Variants in HFM1 observed in about 807,000 individuals in gnomAD.
HFM1 encodes probable ATP-dependent DNA helicase HFM1.
Under a neutral mutation model 192.1 loss-of-function variants are expected in HFM1, and 169 were observed. The ratio of observed to expected loss-of-function variants is 0.88; its 90% CI spans 0.78 to 1.00. HFM1 has a LOEUF of 1.00. Ranked by LOEUF, HFM1 falls within the 50% of genes least tolerant of loss-of-function variation. The pLI is 0.00. For synonymous variants in HFM1, 525 were observed against 537.8 expected (o/e 0.98, Z 0.33); for missense variants, 1,661 against 1,668.0 (o/e 1.00, Z 0.07).
chr1:91,320,027 G>A (rs1399317119), intron 23 of HFM1, among the ~76,000 whole-genome samples: 1 of 152,024 alleles, frequency 6.6e-6, no homozygotes, highest in Non-Finnish European at 1.5e-5. Context: ...AGTATATCCC[G>A]GGTTCTTTGC....
At chr1:91,294,610 G>T (rs764712752) in intron 30 of HFM1, among the ~76,000 whole-genome samples, 19 of 152,170 alleles carry the variant, frequency 1.2e-4, no homozygotes, top group Non-Finnish European at 2.4e-4. Context: ...CACCTACAAA[G>T]ACAGAGTTGC....
Position 91,380,223 on chromosome 1 carries a change from T to A in HFM1, c.887A>T (p.Asp296Val), listed in dbSNP as rs771048982. ...SKAFDDLLYT[D>V]RNFVICAPTG... ...TGGAGCACAAATCACAAAATTCCTA[T>A]CTGTGTAAAGAAGCTAAAAAATAAA... is the stretch of plus-strand genomic sequence containing the variant. The change falls in exon 8 of 39, where the codon GAT becomes GTT. Residue 296 changes from aspartate to valine, a missense_variant. Physicochemically the swap from Asp to Val is radical, Grantham distance 152 (BLOSUM62 -3). Coordinates refer to ENST00000370425, the MANE Select transcript of HFM1 (RefSeq NM_001017975.6). 6.4e-7 allele frequency: 1 copy of A among 1,574,518 alleles called. No homozygotes were observed.
chr1:91,367,495 G>A (rs1004199464), intron 13 of HFM1, among the ~76,000 whole-genome samples: 2 of 152,184 alleles, frequency 1.3e-5, no homozygotes, highest in Non-Finnish European at 1.5e-5. Context: ...GGCAAACAGG[G>A]TCTGGAGTGG....
Position 91,315,898 on chromosome 1 carries a change from A to G in HFM1, c.3057T>C (p.Thr1019=), listed in dbSNP as rs555924821. 7 of 1,607,828 alleles carry G rather than the reference A, an allele frequency of 4.4e-6. No individual in the cohort carries two copies. The highest frequency in any genetic ancestry group is 1.7e-4 in the Middle Eastern group (1 of 6,028). ...VILRNFEQLQ[T]KRTASDSHYV... ...AGTGAGAATCCGATGCTGTTCTTTT[A>G]GTTTGTAGCTGTTCAAAATTTCTTA... Residue 1019 remains threonine (T), a synonymous_variant, in exon 28 of 39, where the codon ACT becomes ACC. Coordinates refer to ENST00000370425, the MANE Select transcript of HFM1 (RefSeq NM_001017975.6).
At position 91,385,854 on chromosome 1, in the gene HFM1, C is replaced by G; in HGVS notation, c.495-20G>C. ...AATAATCTGCAAACAAAAAAAAGACCCACATATTTTCTCACGTGTAACACT... is the reference window on the plus strand; with the variant it reads ...AATAATCTGCAAACAAAAAAAAGACGCACATATTTTCTCACGTGTAACACT... On this transcript the variant is annotated intron_variant, in intron 4 of 38. Transcript: ENST00000370425. 6.3e-7 allele frequency: 1 copy of G among 1,576,562 alleles called. No homozygotes were observed. Among genetic ancestry groups the G allele is most frequent in the Non-Finnish European group, 8.6e-7 (1 of 1,161,290 alleles).
upstream of HFM1, among the ~76,000 whole-genome samples, chr1:91,407,679 T>G (rs1298757116): frequency 1.3e-5 from 2 of 152,224 alleles, no homozygotes; most frequent in Admixed American, 1.3e-4. Flanking sequence ...GTTTCCACAT[T>G]TCCACCTTTT....
intron 30 of HFM1, among the ~76,000 whole-genome samples, chr1:91,288,261 G>C (rs963353309): frequency 9.9e-5 from 15 of 151,836 alleles, no homozygotes; most frequent in African/African-American, 3.4e-4. Flanking sequence ...GGCAGCCAGA[G>C]AGAAAGGTCG....
chr1:91,294,361 T>C (rs567718213), intron 30 of HFM1, among the ~76,000 whole-genome samples: 108 of 152,328 alleles, frequency 7.1e-4, no homozygotes, highest in Non-Finnish European at 8.1e-4. Context: ...GCAATTTATA[T>C]ACATGGACTC....
chr1:91,328,899 A>G, intron 20 of HFM1: 2 of 1,611,012 alleles, frequency 1.2e-6, no homozygotes, highest in East Asian at 2.2e-5. Flanking sequence ...GGCAAAGTCT[A>G]TCCTGTGGCT....
intron 4 of HFM1, among the ~76,000 whole-genome samples, chr1:91,387,212 A>G (rs1033640563): frequency 6.6e-6 from 1 of 152,212 alleles, no homozygotes. Context: ...AGTCTTGTCT[A>G]TGAAATAGAA....
rs116194012 is a variant in HFM1, at chr1:91,365,717, G to C, written c.1685+9641C>G. Reference sequence around the variant, plus strand: ...TGACTTTTTTTAAGGATTCACAATGGAATGAAGATAAGGCAAGAGGAAAGG... The same window carrying C: ...TGACTTTTTTTAAGGATTCACAATGCAATGAAGATAAGGCAAGAGGAAAGG... On this transcript the variant is annotated intron_variant, in intron 13 of 38. Transcript: ENST00000370425. 1.0e-3 allele frequency among the ~76,000 whole-genome samples: 153 copies of C among 152,062 alleles called. 1 individual carries two copies. The highest frequency in any genetic ancestry group is 1.6e-3 in the Non-Finnish European group (107 of 67,966).
rs1166300028 is a variant in HFM1, at chr1:91,266,252, T to C, written c.3884-145A>G. 3.7e-5 allele frequency: 23 copies of C among 621,044 alleles called. No individual in the cohort carries two copies. The East Asian group carries it at 3.9e-4, about 10-fold the overall frequency. 38.5% of individuals were successfully genotyped at this position (621,044 alleles called of 1,614,324 possible). On this transcript the variant is annotated intron_variant, in intron 35 of 38. Transcript: ENST00000370425. ...TCTCAGTAACCTAATTTAATTTGCA[T>C]AGAAAAATTAGGGGCACAAGGCTAA... is the stretch of plus-strand genomic sequence containing the variant.
intron 13 of HFM1, among the ~76,000 whole-genome samples, chr1:91,372,041 C>T (rs1380985042): frequency 6.6e-6 from 1 of 152,148 alleles, no homozygotes. Context: ...CAATGAGATA[C>T]CATCTCACAC....
intron 4 of HFM1, among the ~76,000 whole-genome samples, chr1:91,390,860 T>C (rs11165717): frequency 0.2 from 30,084 of 151,964 alleles, 3,376 homozygotes; most frequent in Non-Finnish European, 0.26. Context: ...AAAACCCCAT[T>C]GTCCCAGCCC....
Position 91,262,438 on chromosome 1 carries a change from C to T in HFM1, c.4086+43G>A, listed in dbSNP as rs182338923. The T allele has an allele frequency of 1.7e-5, 26 of 1,571,012 alleles. No individual in the cohort carries two copies. In the African/African-American group the frequency reaches 2.0e-4, roughly 12 times the overall value. On this transcript the variant is annotated intron_variant, in intron 37 of 38. Transcript: ENST00000370425. ...AACAATCATTGAAAGTTTAAGCACT[C>T]GGGCAAAATTTAAAAGAAAAACAAA...
At chr1:91,393,275 TTC>T (rs1231959473) in intron 4 of HFM1, among the ~76,000 whole-genome samples, 1 of 152,116 alleles carries the variant, frequency 6.6e-6, no homozygotes, top group East Asian at 1.9e-4. Context: ...TACTCTCACT[TTC>T]TCTCTCAAAC....
intron 13 of HFM1, among the ~76,000 whole-genome samples, chr1:91,362,707 A>T (rs936974831): frequency 6.6e-6 from 1 of 152,170 alleles, no homozygotes; most frequent in Non-Finnish European, 1.5e-5. Context: ...TAAAATTTAT[A>T]TGGAACCAAA....
chr1:91,364,624 A>ATTTT (rs1439970664), intron 13 of HFM1, among the ~76,000 whole-genome samples: 1 of 37,948 alleles, frequency 2.6e-5, no homozygotes, highest in African/African-American at 8.9e-5. Context: ...ATATATATAT[A>ATTTT]TATATATATT....
intron 30 of HFM1, among the ~76,000 whole-genome samples, chr1:91,286,859 G>A (rs1236621220): frequency 6.6e-6 from 1 of 152,192 alleles, no homozygotes; most frequent in African/African-American, 2.4e-5. Flanking sequence ...AAGCGCAAGG[G>A]GTCAGGGAGT....
Sources: allele counts gnomAD v4.1 joint callset (sites outside exome capture counted in the v4.1 genomes callset), GRCh38; gene constraint gnomAD v4.1.1; transcripts MANE v1.5; gene names NCBI Gene and HGNC (gene_info 2026-07-23, HGNC 2026-07-21).